The following PHYHIPL variants were observed in gnomAD, a reference collection of about 807,000 sequenced individuals.
PHYHIPL encodes phytanoyl-CoA hydroxylase-interacting protein-like.
Under a neutral mutation model 33.4 loss-of-function variants are expected in PHYHIPL, and 9 were observed. That is an observed-to-expected ratio of 0.27 (90% CI 0.16 to 0.47). The LOEUF (loss-of-function observed/expected upper bound fraction) is 0.47, where lower values mean the gene tolerates loss of function less well. Among genes scored for constraint, PHYHIPL ranks in the 20% least tolerant of loss-of-function variants. PHYHIPL has a pLI of 0.99. For missense variants in PHYHIPL, 365 were observed against 460.7 expected (o/e 0.79, Z 1.90); for synonymous variants, 153 against 154.1 (o/e 0.99, Z 0.05).
intron 1 of PHYHIPL, among the ~76,000 whole-genome samples, chr10:59,213,448 A>T (rs1169920447): frequency 6.6e-6 from 1 of 152,194 alleles, no homozygotes; most frequent in Non-Finnish European, 1.5e-5. Flanking sequence ...ATAAAAAAAT[A>T]ATATTTAAAA....
chr10:59,217,963 T>G (rs1360206932), intron 1 of PHYHIPL, among the ~76,000 whole-genome samples: 2 of 152,158 alleles, frequency 1.3e-5, no homozygotes, highest in East Asian at 3.8e-4. Flanking sequence ...CATTCATTGC[T>G]ACTTTCCAGT....
chr10:59,194,070 T>C (rs895572213), intron 1 of PHYHIPL, among the ~76,000 whole-genome samples: 1 of 151,534 alleles, frequency 6.6e-6, no homozygotes, highest in Admixed American at 6.6e-5. Flanking sequence ...AAGTATTTCT[T>C]TACCTATATG....
At chr10:59,219,170 T>C in intron 1 of PHYHIPL, 10 of 758,550 alleles carry the variant, frequency 1.3e-5, no homozygotes, top group Non-Finnish European at 1.4e-5. Flanking sequence ...TGATGCCTCA[T>C]AATCATATTT....
intron 1 of PHYHIPL, among the ~76,000 whole-genome samples, chr10:59,226,682 C>A (rs1337407703): frequency 6.6e-6 from 1 of 152,154 alleles, no homozygotes; most frequent in African/African-American, 2.4e-5. Flanking sequence ...GCTCTAAAAT[C>A]TTAAAGTATG....
chr10:59,247,379 C>T lies in PHYHIPL; in HGVS notation c.*1788C>T. 2.0e-6 allele frequency: 1 copy of T among 498,328 alleles called. No homozygotes were observed. Among genetic ancestry groups the T allele is most frequent in the Non-Finnish European group, 3.5e-6 (1 of 283,542 alleles). 30.9% of individuals were successfully genotyped at this position (498,328 alleles called of 1,614,324 possible). A position where few individuals can be genotyped will look rare whatever the true frequency, so the allele number is the denominator to read the frequency against. ...TATTGACTATGAGTTTTCTGCTTGGCATGGAGGACACTGAATTTTTTCCCA... is the reference window on the plus strand; with the variant it reads ...TATTGACTATGAGTTTTCTGCTTGGTATGGAGGACACTGAATTTTTTCCCA... On this transcript the variant is annotated 3_prime_UTR_variant, in exon 5 of 5. Transcript: ENST00000373880.
At chr10:59,204,792 A>G (rs944151051) in intron 1 of PHYHIPL, among the ~76,000 whole-genome samples, 1 of 150,960 alleles carries the variant, frequency 6.6e-6, no homozygotes, top group African/African-American at 2.4e-5. Context: ...TGTGTTTATC[A>G]TTCACTCAAC....
upstream of PHYHIPL, among the ~76,000 whole-genome samples, chr10:59,174,030 A>G (rs1176097360): frequency 1.4e-5 from 2 of 139,880 alleles, no homozygotes; most frequent in Admixed American, 7.9e-5. Context: ...TGGAAAGTCA[A>G]TGCCTACCCT....
intron 1 of PHYHIPL, among the ~76,000 whole-genome samples, chr10:59,204,409 T>TATG (rs1182589630): frequency 6.6e-6 from 1 of 152,164 alleles, no homozygotes; most frequent in Non-Finnish European, 1.5e-5. Context: ...ATGTAATGAG[T>TATG]CTGTGTATGA....
At chr10:59,219,351 A>G in intron 1 of PHYHIPL, 1 of 466,452 alleles carries the variant, frequency 2.1e-6, no homozygotes, top group Non-Finnish European at 2.8e-6. Context: ...AAAATGAAGT[A>G]CCCATCAATA....
At chr10:59,219,277 GT>G in intron 1 of PHYHIPL, 2 of 910,358 alleles carry the variant, frequency 2.2e-6, no homozygotes, top group Non-Finnish European at 2.6e-6. Context: ...TTGCTGTAGT[GT>G]TTCTGCACAT....
rs1332726616 is a variant in PHYHIPL, at chr10:59,196,052, G to C, written c.106+19093G>C. Among the ~76,000 whole-genome samples, 25 of 152,196 alleles carry C rather than the reference G, an allele frequency of 1.6e-4. No homozygotes were observed. In the East Asian group the frequency reaches 3.3e-3, roughly 20 times the overall value. ...CATGTGTATAATTGGTATATGCTTA[G>C]TGTTTTGTACATACAGATAGTGATG... On this transcript the variant is annotated intron_variant, in intron 1 of 4. Transcript: ENST00000373880.
intron 1 of PHYHIPL, among the ~76,000 whole-genome samples, chr10:59,219,034 G>A (rs927629398): frequency 6.6e-6 from 1 of 151,852 alleles, no homozygotes; most frequent in Non-Finnish European, 1.5e-5. Flanking sequence ...GGGTTTAAGC[G>A]TACACAATTT....
intron 1 of PHYHIPL, 36 bp downstream of exon 1, chr10:59,176,995 G>A: frequency 6.3e-7 from 1 of 1,591,628 alleles, no homozygotes; most frequent in East Asian, 2.3e-5. Flanking sequence ...AAGGGACAGA[G>A]TTCGCGCCGA....
intron 1 of PHYHIPL, among the ~76,000 whole-genome samples, chr10:59,201,107 ATGTGTTT>A (rs1289454380): frequency 2.0e-5 from 3 of 152,018 alleles, no homozygotes; most frequent in Non-Finnish European, 4.4e-5. Flanking sequence ...TAGCTTTTGA[ATGTGTTT>A]GCTCTTGCTT....
intron 1 of PHYHIPL, among the ~76,000 whole-genome samples, chr10:59,211,293 C>G (rs572293625): frequency 6.6e-6 from 1 of 152,112 alleles, no homozygotes; most frequent in Non-Finnish European, 1.5e-5. Context: ...AGGAGGATCA[C>G]TTGAGCCCAG....
chr10:59,228,440 TTACTA>T (rs959502102), intron 1 of PHYHIPL, among the ~76,000 whole-genome samples: 5 of 152,172 alleles, frequency 3.3e-5, no homozygotes, highest in African/African-American at 7.2e-5. Context: ...TTTGTTGTGG[TTACTA>T]TTTTGAGTTT....
chr10:59,217,935 A>G (rs1245004949), intron 1 of PHYHIPL, among the ~76,000 whole-genome samples: 1 of 152,114 alleles, frequency 6.6e-6, no homozygotes, highest in Non-Finnish European at 1.5e-5. Flanking sequence ...GACTAAGATC[A>G]GACTTTTATA....
rs1174310985 is a variant in PHYHIPL at position 59,247,747 on chromosome 10, A to G, written c.*2156A>G. The G allele has an allele frequency of 1.9e-6, 3 of 1,606,028 alleles. No homozygotes were observed. The highest frequency in any genetic ancestry group is 1.7e-6 in the Non-Finnish European group (2 of 1,176,526). On this transcript the variant is annotated 3_prime_UTR_variant, in exon 5 of 5. Transcript: ENST00000373880. ...TTCCTTTTGTGGACTTCTGCAAAACAAAAATACATTTGTTAGTTCACAATG... is the reference window on the plus strand; with the variant it reads ...TTCCTTTTGTGGACTTCTGCAAAACGAAAATACATTTGTTAGTTCACAATG...
chr10:59,242,770 T>G (rs1456025011), intron 4 of PHYHIPL, among the ~76,000 whole-genome samples: 1 of 152,244 alleles, frequency 6.6e-6, no homozygotes, highest in East Asian at 1.9e-4. Flanking sequence ...AAAAGCTGGA[T>G]AGACTCCATG....
Sources: gnomAD v4.1 joint callset for allele counts (sites outside exome capture counted in the v4.1 genomes callset) on GRCh38, gnomAD v4.1.1 for gene constraint, MANE v1.5 for transcripts, NCBI Gene and HGNC (gene_info 2026-07-23, HGNC 2026-07-21) for gene names.